Variants in ESYT3 observed in about 807,000 individuals in gnomAD.
ESYT3 encodes extended synaptotagmin-3.
ESYT3 carries 101 observed loss-of-function variants against 111.5 expected under a neutral mutation model. The observed-to-expected ratio is 0.91, with a 90% CI of 0.77 to 1.07. The LOEUF (loss-of-function observed/expected upper bound fraction) is 1.07, where lower values mean the gene tolerates loss of function less well. Ranked by LOEUF, ESYT3 falls within the 50% of genes least tolerant of loss-of-function variation. ESYT3 has a pLI of 0.00. For missense variants in ESYT3, 1,097 were observed against 1,109.4 expected, an observed-to-expected ratio of 0.99 and a Z score of 0.16; for synonymous variants, 416 against 446.8, an observed-to-expected ratio of 0.93 and a Z score of 0.87.
chr3:138,438,105 A>C (rs887967718), intron 1 of ESYT3, among the ~76,000 whole-genome samples: 1 of 152,246 alleles, frequency 6.6e-6, no homozygotes, highest in African/African-American at 2.4e-5. Context: ...TGGGGGCAGC[A>C]CGGCCCCTTG....
At chr3:138,456,083 G>A (rs933637583) in intron 3 of ESYT3, among the ~76,000 whole-genome samples, 3 of 152,278 alleles carry the variant, frequency 2.0e-5, no homozygotes, top group Non-Finnish European at 4.4e-5. Flanking sequence ...CTGTCTGCCA[G>A]CCCTTCCTGG....
At chr3:138,475,143 C>T (rs1269135292) in intron 20 of ESYT3, among the ~76,000 whole-genome samples, 1 of 152,172 alleles carries the variant, frequency 6.6e-6, no homozygotes, top group African/African-American at 2.4e-5. Flanking sequence ...AGAGACTATT[C>T]ATTCAACATT....
rs2032809522 is a variant in ESYT3, at chr3:138,464,328, G to A, written c.916-17G>A. 6.2e-7 allele frequency: 1 copy of A among 1,613,444 alleles called. No homozygotes were observed. The highest frequency in any genetic ancestry group is 8.5e-7 in the Non-Finnish European group (1 of 1,179,738). On this transcript the variant is annotated splice_polypyrimidine_tract_variant and intron_variant, in intron 8 of 22. Coordinates refer to ENST00000389567, the MANE Select transcript of ESYT3 (RefSeq NM_031913.5). ...CCCAGGAAGCAGCTGTGAGCCCTGG[G>A]CTTGGACATTTTCCAGGGGGTGATC...
At chr3:138,453,415 C>T (rs969200347) in intron 2 of ESYT3, among the ~76,000 whole-genome samples, 1 of 152,136 alleles carries the variant, frequency 6.6e-6, no homozygotes, top group Non-Finnish European at 1.5e-5. Context: ...TCAGGAGGCA[C>T]TTGGCCAGTG....
chr3:138,460,547 A>G, intron 6 of ESYT3, 64 bp from the exon 7 acceptor site: 2 of 1,553,698 alleles, frequency 1.3e-6, no homozygotes, highest in Non-Finnish European at 1.8e-6. Flanking sequence ...GGCTCTTGGC[A>G]GGGGGTTCTC....
At chr3:138,462,520 T>C in intron 8 of ESYT3, 3 of 491,758 alleles carry the variant, frequency 6.1e-6, no homozygotes, top group Admixed American at 3.4e-5. Flanking sequence ...TTTTATACCT[T>C]AACTTCCTTT....
intron 4 of ESYT3, 129 bp downstream of exon 4, chr3:138,457,773 C>T (rs2032382912): frequency 1.2e-6 from 1 of 853,512 alleles, no homozygotes; most frequent in Non-Finnish European, 1.9e-6. Flanking sequence ...ACCCTCCCCT[C>T]CTCCCAGCTT....
At chr3:138,455,628 G>A (rs550660334) in intron 3 of ESYT3, among the ~76,000 whole-genome samples, 1 of 152,326 alleles carries the variant, frequency 6.6e-6, no homozygotes, top group South Asian at 2.1e-4. Context: ...TTGAAGACAC[G>A]CCATGGTGGT....
At chr3:138,466,976 C>G (rs1055238984) in intron 10 of ESYT3, among the ~76,000 whole-genome samples, 2 of 152,168 alleles carry the variant, frequency 1.3e-5, no homozygotes, top group African/African-American at 4.8e-5. Context: ...GATCTGCCCC[C>G]ATGACCCAAA....
At chr3:138,464,115 AG>A (rs2032794976) in intron 8 of ESYT3, among the ~76,000 whole-genome samples, 1 of 152,170 alleles carries the variant, frequency 6.6e-6, no homozygotes, top group Non-Finnish European at 1.5e-5. Context: ...GGAGGCAGGG[AG>A]TGTGGAGGCC....
intron 1 of ESYT3, among the ~76,000 whole-genome samples, chr3:138,448,536 G>C (rs1416084810): frequency 6.6e-6 from 1 of 151,928 alleles, no homozygotes; most frequent in Non-Finnish European, 1.5e-5. Flanking sequence ...GAAAAAAATT[G>C]TATCTTTGTC....
chr3:138,447,093 TCAA>T (rs58247249), intron 1 of ESYT3, among the ~76,000 whole-genome samples: 12,223 of 152,084 alleles, frequency 0.08, 990 homozygotes, highest in East Asian at 0.38. Context: ...GAAATATAAA[TCAA>T]CAACCGACAT....
intron 1 of ESYT3, among the ~76,000 whole-genome samples, chr3:138,450,716 C>G (rs2108602704): frequency 6.6e-6 from 1 of 152,314 alleles, no homozygotes; most frequent in Middle Eastern, 3.4e-3. Context: ...GGCTGTGATC[C>G]TGAACGAGTG....
In ESYT3 at chr3:138,470,320, C is replaced by T. The variant is rs889911780; in HGVS notation, c.1590+174C>T. 10 of 1,343,842 alleles carry T rather than the reference C, an allele frequency of 7.4e-6. No homozygotes were observed. In the African/African-American group the frequency reaches 1.5e-4, roughly 20 times the overall value. 83.2% of individuals were successfully genotyped at this position (1,343,842 alleles called of 1,614,324 possible). ...GGCCTCATCTCCTTAAGGCTAGTGC[C>T]TGAGGTCACTGTATAGGGGGATGTG... On this transcript the variant is annotated intron_variant, in intron 16 of 22. Coordinates refer to ENST00000389567, the MANE Select transcript of ESYT3 (RefSeq NM_031913.5).
chr3:138,462,215 C>G lies in ESYT3; in HGVS notation c.915+9C>G. ...GCTTCCCTCTGCCCTGTGTGAGTAC[C>G]CAGTACTAGCCACAGACCAGCCTGC... On this transcript the variant is annotated intron_variant, in intron 8 of 22. Coordinates refer to ENST00000389567, the MANE Select transcript of ESYT3 (RefSeq NM_031913.5). 6.2e-7 allele frequency: 1 copy of G among 1,614,092 alleles called. No individual in the cohort carries two copies. The highest frequency in any genetic ancestry group is 8.5e-7 in the Non-Finnish European group (1 of 1,180,004).
rs78406975 is a variant in ESYT3 at position 138,456,891 on chromosome 3, C to T, written c.505-677C>T. 1.2e-3 allele frequency among the ~76,000 whole-genome samples: 188 copies of T among 152,282 alleles called. 1 individual carries two copies. Among genetic ancestry groups the T allele is most frequent in the African/African-American group, 3.8e-3 (157 of 41,556 alleles). ...ATGATATTTACCATATCAGAAGAAC[C>T]TGGAGGGGGAAGCTGCAGGCTGAAC... On this transcript the variant is annotated intron_variant, in intron 3 of 22. Coordinates refer to ENST00000389567, the MANE Select transcript of ESYT3 (RefSeq NM_031913.5).
At chr3:138,481,479 G>A (rs537387785), downstream of ESYT3, 1 of 152,106 alleles carries the variant, frequency 6.6e-6, no homozygotes, top group Admixed American at 6.5e-5. Context: ...TGATTCTCCT[G>A]CCTCAGCCTC....
Position 138,478,691 on chromosome 3 carries a change from A to C in ESYT3, c.*1837A>C, listed in dbSNP as rs1238251104. ...TGGTGATGGTCTGAAGAGGAGTTAA[A>C]ATGTTGAAGGGAACCAGAATTTTAG... On this transcript the variant is annotated 3_prime_UTR_variant, in exon 23 of 23. Coordinates refer to ENST00000389567, the MANE Select transcript of ESYT3 (RefSeq NM_031913.5). 2 of 152,158 alleles carry C rather than the reference A, an allele frequency of 1.3e-5. No homozygotes were observed. The highest frequency in any genetic ancestry group is 2.9e-5 in the Non-Finnish European group (2 of 68,032). 9.4% of individuals were successfully genotyped at this position (152,158 alleles called of 1,614,324 possible).
intron 19 of ESYT3, 110 bp downstream of exon 19, chr3:138,473,744 C>A: frequency 1.1e-6 from 1 of 922,100 alleles, no homozygotes; most frequent in Non-Finnish European, 1.6e-6. Context: ...AGATAAATAA[C>A]ACTTTGGGGG....
Sources: gnomAD v4.1 joint callset for allele counts (sites outside exome capture counted in the v4.1 genomes callset) on GRCh38, gnomAD v4.1.1 for gene constraint, MANE v1.5 for transcripts, NCBI Gene and HGNC (gene_info 2026-07-23, HGNC 2026-07-21) for gene names.